The following OCIAD1 variants were observed in gnomAD, a reference collection of about 807,000 sequenced individuals.
OCIAD1 encodes OCIA domain-containing protein 1.
Under a neutral mutation model 38.9 loss-of-function variants are expected in OCIAD1, and 29 were observed. That is an observed-to-expected ratio of 0.74 (90% confidence interval 0.55 to 1.02). The LOEUF is 1.02. Ranked by LOEUF, OCIAD1 falls within the 50% of genes least tolerant of loss-of-function variation. OCIAD1 has a pLI of 0.00. For missense variants in OCIAD1, 288 were observed against 289.6 expected, an observed-to-expected ratio of 0.99 and a Z score of 0.04; for synonymous variants, 110 against 92.0, an observed-to-expected ratio of 1.20 and a Z score of -1.12.
chr4:48,850,693 C>T (rs1779368581), intron 6 of OCIAD1, among the ~76,000 whole-genome samples: 2 of 152,148 alleles, frequency 1.3e-5, no homozygotes, highest in African/African-American at 4.8e-5. Flanking sequence ...CCTCCCTCAG[C>T]CTCTGGAGTA....
At chr4:48,836,872 C>G (rs1778029488) in intron 3 of OCIAD1, among the ~76,000 whole-genome samples, 1 of 152,106 alleles carries the variant, frequency 6.6e-6, no homozygotes, top group Non-Finnish European at 1.5e-5. Flanking sequence ...CAACTGGGAG[C>G]AGAATAACTG....
chr4:48,824,544 C>CTTATTATTATTA (rs146978409), intron 1 of OCIAD1, among the ~76,000 whole-genome samples: 2 of 150,866 alleles, frequency 1.3e-5, no homozygotes, highest in African/African-American at 4.9e-5. Context: ...GCACACCCAC[C>CTTATTATTATTA]TTATTATTAT....
chr4:48,827,352 A>C (rs1579038084), upstream of OCIAD1, among the ~76,000 whole-genome samples: 1 of 152,194 alleles, frequency 6.6e-6, no homozygotes. Flanking sequence ...ACATTTCATT[A>C]GATCTTAACT....
intron 4 of OCIAD1, among the ~76,000 whole-genome samples, chr4:48,843,405 G>T (rs1560427720): frequency 6.6e-6 from 1 of 152,134 alleles, no homozygotes; most frequent in South Asian, 2.1e-4. Context: ...TGGCCTGGAG[G>T]CCTATTGTTT....
chr4:48,843,261 T>G (rs1167059400), intron 4 of OCIAD1, among the ~76,000 whole-genome samples: 1 of 152,144 alleles, frequency 6.6e-6, no homozygotes, highest in Non-Finnish European at 1.5e-5. Context: ...TGAGTTTAGA[T>G]TGAGTATTAA....
chr4:48,848,339 C>G, intron 4 of OCIAD1, 60 bp from the exon 5 acceptor site: 1 of 795,474 alleles, frequency 1.3e-6, no homozygotes, highest in Non-Finnish European at 2.2e-6. Context: ...TAAAGATAGC[C>G]TTTACTGATT....
rs752320724 is a variant in OCIAD1 at position 48,860,728 on chromosome 4, A to G, written c.704A>G (p.Lys235Arg). 2 of 1,597,644 alleles carry G rather than the reference A, an allele frequency of 1.3e-6. No homozygotes were observed. Among genetic ancestry groups the G allele is most frequent in the Admixed American group, 1.7e-5 (1 of 59,640 alleles). Residue 235 changes from lysine to arginine, a missense_variant, in exon 9 of 9, where the codon AAA becomes AGA. Physicochemically the swap from Lys to Arg is conservative, Grantham distance 26. Coordinates refer to ENST00000264312, the MANE Select transcript of OCIAD1 (RefSeq NM_017830.4). ...MHERVPKKEV[K>R]VNKYGDTWDE Reference sequence around the variant, plus strand: ...ATTATTTATGCTTTTTTCCTAGTCAAAGTAAACAAGTATGGAGATACTTGG... The same window carrying G: ...ATTATTTATGCTTTTTTCCTAGTCAGAGTAAACAAGTATGGAGATACTTGG...
intron 1 of OCIAD1, among the ~76,000 whole-genome samples, chr4:48,805,881 A>G (rs1433430250): frequency 2.0e-5 from 3 of 152,210 alleles, no homozygotes; most frequent in Admixed American, 2.0e-4. Context: ...AGAAAAGATA[A>G]TATTCATACT....
At chr4:48,814,740 C>T (rs963092233) in intron 1 of OCIAD1, among the ~76,000 whole-genome samples, 1 of 152,004 alleles carries the variant, frequency 6.6e-6, no homozygotes, top group Non-Finnish European at 1.5e-5. Flanking sequence ...TTTAAATCTT[C>T]AAGAAAAACA....
upstream of OCIAD1, among the ~76,000 whole-genome samples, chr4:48,827,368 G>T (rs375769747): frequency 8.9e-4 from 135 of 152,270 alleles, 2 homozygotes; most frequent in Middle Eastern, 0.02. Context: ...TAACTCAATG[G>T]AGGTATCATG....
rs1244790645 is a variant in OCIAD1, at chr4:48,840,590, AT to A, written c.140-2044del. Among the ~76,000 whole-genome samples, 3 of 152,218 alleles carry A rather than the reference AT, an allele frequency of 2.0e-5. No homozygotes were observed. In the East Asian group the frequency reaches 5.8e-4, roughly 29 times the overall value. On this transcript the variant is annotated intron_variant, in intron 3 of 8. Transcript: ENST00000264312. ...AATCTGTAATAATTCAAATGTCTTA[AT>A]TACTTTGGTTCTTAAATTGTCCATA...
intron 1 of OCIAD1, among the ~76,000 whole-genome samples, chr4:48,810,215 A>G (rs967167505): frequency 7.9e-5 from 12 of 152,002 alleles, no homozygotes; most frequent in African/African-American, 2.9e-4. Context: ...AAGAGATGAG[A>G]TCCCAGCACT....
intron 1 of OCIAD1, among the ~76,000 whole-genome samples, chr4:48,816,906 G>T (rs1257057277): frequency 2.6e-5 from 4 of 152,286 alleles, no homozygotes; most frequent in East Asian, 3.9e-4. Flanking sequence ...GGAGGTGGAG[G>T]TTGCAGTGAG....
At chr4:48,833,685 C>A (rs1300611720) in intron 3 of OCIAD1, among the ~76,000 whole-genome samples, 1 of 152,090 alleles carries the variant, frequency 6.6e-6, no homozygotes, top group African/African-American at 2.4e-5. Context: ...TTTAACAAAA[C>A]CATGAGGTAA....
chr4:48,805,849 G>A (rs1211594676), intron 1 of OCIAD1, among the ~76,000 whole-genome samples: 1 of 151,988 alleles, frequency 6.6e-6, no homozygotes, highest in African/African-American at 2.4e-5. Context: ...TTATATGCTG[G>A]CTTTATAAAT....
intron 6 of OCIAD1, among the ~76,000 whole-genome samples, chr4:48,851,426 GCCA>G (rs1779451791): frequency 6.6e-6 from 1 of 152,194 alleles, no homozygotes; most frequent in Non-Finnish European, 1.5e-5. Context: ...GGTGGCTCAT[GCCA>G]GTAATCCCAG....
chr4:48,839,610 G>T (rs992333438), intron 3 of OCIAD1, among the ~76,000 whole-genome samples: 1 of 152,052 alleles, frequency 6.6e-6, no homozygotes, highest in Non-Finnish European at 1.5e-5. Context: ...AGGGATTAAT[G>T]CAATTTAATT....
At chr4:48,841,692 C>T (rs1463430557) in intron 3 of OCIAD1, among the ~76,000 whole-genome samples, 1 of 152,070 alleles carries the variant, frequency 6.6e-6, no homozygotes, top group East Asian at 1.9e-4. Context: ...AGTACCAAGA[C>T]CAAATTGATC....
At chr4:48,834,595 C>A (rs565001807) in intron 3 of OCIAD1, among the ~76,000 whole-genome samples, 4 of 152,190 alleles carry the variant, frequency 2.6e-5, no homozygotes, top group Admixed American at 2.0e-4. Context: ...CATAGAGGGG[C>A]CTTGTCTCTA....
Sources: allele counts gnomAD v4.1 joint callset (sites outside exome capture counted in the v4.1 genomes callset), GRCh38; gene constraint gnomAD v4.1.1; transcripts MANE v1.5; gene names NCBI Gene and HGNC (gene_info 2026-07-23, HGNC 2026-07-21).